The following IFNAR2 variants were observed in gnomAD, a reference collection of about 807,000 sequenced individuals.
The protein encoded by IFNAR2 is interferon alpha/beta receptor 2.
IFNAR2 carries 30 observed loss-of-function variants against 49.4 expected under a neutral mutation model. The ratio of observed to expected loss-of-function variants is 0.61; its 90% confidence interval spans 0.45 to 0.82. IFNAR2 has a LOEUF of 0.82. Among genes scored for constraint, IFNAR2 ranks in the 40% least tolerant of loss-of-function variants. The probability of loss-of-function intolerance (pLI) is 0.00; values close to 1 mark genes in which losing one functional copy is unlikely to be tolerated. For synonymous variants in IFNAR2, 224 were observed against 234.5 expected (o/e 0.96, Z 0.41); for missense variants, 600 against 622.7 (o/e 0.96, Z 0.39).
rs17860153 is a variant in IFNAR2 at position 33,237,710 on chromosome 21, G to A, written c.-83-4130G>A. On this transcript the variant is annotated intron_variant, in intron 1 of 8. Transcript: ENST00000342136. ...ATTATGGGATTAGTTCCAGGCAGTC[G>A]TGCTTGGATATCTCATGGGTGGTGG... Among the ~76,000 whole-genome samples the A allele has an allele frequency of 9.2e-3, 1,407 of 152,268 alleles. 18 individuals are homozygous for A. Among genetic ancestry groups the A allele is most frequent in the African/African-American group, 0.031 (1,267 of 41,528 alleles).
intron 7 of IFNAR2, among the ~76,000 whole-genome samples, chr21:33,255,343 C>G (rs1407705072): frequency 6.6e-6 from 1 of 152,240 alleles, no homozygotes; most frequent in Non-Finnish European, 1.5e-5. Flanking sequence ...CCTGCCCCCA[C>G]TTCAGATGCC....
rs187204167 is a variant in IFNAR2, at chr21:33,248,398, G to A, written c.395-311G>A. Among the ~76,000 whole-genome samples, 26 of 122,852 alleles carry A rather than the reference G, an allele frequency of 2.1e-4. No individual in the cohort carries two copies. The East Asian group carries it at 6.3e-3, about 30-fold the overall frequency. 80.6% of individuals were successfully genotyped at this position (122,852 alleles called of 152,430 possible). A position where few individuals can be genotyped will look rare whatever the true frequency, so the allele number is the denominator to read the frequency against. On this transcript the variant is annotated intron_variant, in intron 5 of 8. Coordinates refer to ENST00000342136, the MANE Select transcript of IFNAR2 (RefSeq NM_001289125.3). ...GTTAGGGGGGAGGGAGGGAGGGGGG[G>A]AGAGAGAGAGAGAGAAAGAGAAAAG... is the stretch of plus-strand genomic sequence containing the variant.
At chr21:33,241,800 T>A in intron 1 of IFNAR2, 40 bp from the exon 2 acceptor site, 2 of 1,455,486 alleles carry the variant, frequency 1.4e-6, no homozygotes, top group Non-Finnish European at 1.8e-6. Context: ...CTTACAGGTC[T>A]CTCATTATCT....
intron 1 of IFNAR2, among the ~76,000 whole-genome samples, chr21:33,240,433 CA>C: frequency 6.6e-6 from 1 of 152,244 alleles, no homozygotes; most frequent in East Asian, 1.9e-4. Context: ...GTTCATACAA[CA>C]AAATAGCCTA....
chr21:33,248,671 CTG>C, intron 5 of IFNAR2, 36 bp from the exon 6 acceptor site: 2 of 1,567,390 alleles, frequency 1.3e-6, no homozygotes, highest in Non-Finnish European at 1.7e-6. Flanking sequence ...CATATGGTCT[CTG>C]TGACATATTC....
intron 1 of IFNAR2, among the ~76,000 whole-genome samples, chr21:33,236,497 C>A (rs1040352525): frequency 6.6e-6 from 1 of 152,202 alleles, no homozygotes; most frequent in Non-Finnish European, 1.5e-5. Flanking sequence ...CCCTGCCAGA[C>A]CCAACCTCCA....
At chr21:33,262,079 T>G (rs1163724159) in intron 8 of IFNAR2, among the ~76,000 whole-genome samples, 1 of 151,814 alleles carries the variant, frequency 6.6e-6, no homozygotes, top group African/African-American at 2.4e-5. Flanking sequence ...ATAAGAATAG[T>G]AAGCCTGGCC....
In IFNAR2 at chr21:33,230,336, T is replaced by C. The variant is rs1985948948; in HGVS notation, c.-84+120T>C. ...CCGGTTCCCTCTCGCTCTCCCCGACTCCTCCTCCTCCTCCTGCCCTCCCTC... is the reference window on the plus strand; with the variant it reads ...CCGGTTCCCTCTCGCTCTCCCCGACCCCTCCTCCTCCTCCTGCCCTCCCTC... On this transcript the variant is annotated intron_variant, in intron 1 of 8. Coordinates refer to ENST00000342136, the MANE Select transcript of IFNAR2 (RefSeq NM_001289125.3). This position sits in a 1 kb window ranked among gnomAD's most constrained non-coding sequence, Gnocchi z 5.5. 2 of 621,070 alleles carry C rather than the reference T, an allele frequency of 3.2e-6. No individual in the cohort carries two copies. The highest frequency in any genetic ancestry group is 5.0e-5 in the Admixed American group (1 of 19,874). 38.5% of individuals were successfully genotyped at this position (621,070 alleles called of 1,614,324 possible).
intron 1 of IFNAR2, among the ~76,000 whole-genome samples, chr21:33,237,078 G>GATGTGTGTGTGTGT (rs3223272): frequency 0.013 from 1,862 of 147,678 alleles, 70 homozygotes; most frequent in African/African-American, 0.044. Context: ...GGGAGAATGG[G>GATGTGTGTGTGTGT]GTGTGTGTGT....
At position 33,245,079 on chromosome 21, in the gene IFNAR2, G is replaced by A. The variant is rs758221505; in HGVS notation, c.221+5G>A. On this transcript the variant is annotated splice_donor_5th_base_variant and intron_variant, in intron 4 of 8. Transcript: ENST00000342136. ...ATTGCTGTATACAATCATGAGGTTGGTTTGATATTTCATTTTCTCTTGGTA... is the reference window on the plus strand; with the variant it reads ...ATTGCTGTATACAATCATGAGGTTGATTTGATATTTCATTTTCTCTTGGTA... The A allele has an allele frequency of 1.0e-5, 16 of 1,602,096 alleles. No individual in the cohort carries two copies. Among genetic ancestry groups the A allele is most frequent in the Non-Finnish European group, 1.3e-5 (15 of 1,169,378 alleles).
chr21:33,252,081 C>CT (rs1555859334), intron 6 of IFNAR2: 5 of 380,960 alleles, frequency 1.3e-5, no homozygotes, highest in African/African-American at 4.5e-5. Context: ...AGACCCCATC[C>CT]ATCTATCTAT....
Position 33,265,233 on chromosome 21 carries a change from T to G in IFNAR2, c.*1733T>G, listed in dbSNP as rs1330071185. On this transcript the variant is annotated 3_prime_UTR_variant, in exon 9 of 9. Coordinates refer to ENST00000342136, the MANE Select transcript of IFNAR2 (RefSeq NM_001289125.3). ...AGAATGAACACTCAGGTGGAAATGC[T>G]GCAATCCTGAGAAGCTCCCAGGATG... 6.6e-6 allele frequency: 1 copy of G among 152,232 alleles called. No homozygotes were observed. Among genetic ancestry groups the G allele is most frequent in the African/African-American group, 2.4e-5 (1 of 41,444 alleles). The allele number at this position is 152,232 out of a possible 1,614,324, so 9.4% of individuals were successfully genotyped here.
rs1169841866 is a variant in IFNAR2, at chr21:33,242,201, T to C, written c.55+224T>C. Among the ~76,000 whole-genome samples the C allele has an allele frequency of 3.3e-5, 5 of 152,184 alleles. No individual in the cohort carries two copies. The East Asian group carries it at 9.6e-4, about 29-fold the overall frequency. On this transcript the variant is annotated intron_variant, in intron 2 of 8. Coordinates refer to ENST00000342136, the MANE Select transcript of IFNAR2 (RefSeq NM_001289125.3). ...TGTTAATTTTAGGAAAACAAATGAG[T>C]GACTTAAGGCAATAATAATCAGGAC...
chr21:33,262,653 G>T lies in IFNAR2; in HGVS notation c.841-140G>T, dbSNP rs777305113. 5 of 1,231,390 alleles carry T rather than the reference G, an allele frequency of 4.1e-6. No homozygotes were observed. In the African/African-American group the frequency reaches 7.4e-5, roughly 18 times the overall value. 76.3% of individuals were successfully genotyped at this position (1,231,390 alleles called of 1,614,324 possible). On this transcript the variant is annotated intron_variant, in intron 8 of 8. Coordinates refer to ENST00000342136, the MANE Select transcript of IFNAR2 (RefSeq NM_001289125.3). ...CTGAAACTCCTGAGCTCAAACAGTC[G>T]TCCTGCCTAAGCTTCCCCAGTAGCT...
intron 1 of IFNAR2, chr21:33,234,790 T>G: frequency 1.0e-6 from 1 of 975,338 alleles, no homozygotes; most frequent in South Asian, 4.7e-5. Context: ...ACATGAGTTG[T>G]TGGCTTCGCA....
At chr21:33,244,110 C>T (rs989803051) in intron 3 of IFNAR2, among the ~76,000 whole-genome samples, 7 of 152,210 alleles carry the variant, frequency 4.6e-5, no homozygotes, top group South Asian at 2.1e-4. Context: ...CTTCTTCCTA[C>T]GTATATAAAT....
Position 33,263,062 on chromosome 21 carries a change from G to A in IFNAR2, c.1110G>A (p.Leu370=). ...IDPESEEEPD[L]PEVDVELPTM... is the part of the protein sequence containing the mutation. The stretch of plus-strand genomic sequence containing the variant: ...CGGAGTCCGAGGAGGAGCCTGACCT[G>A]CCTGAGGTTGATGTGGAGCTCCCCA... Residue 370 remains leucine (L), a synonymous_variant, in exon 9 of 9, where the codon CTG becomes CTA. Transcript: ENST00000342136. The A allele has an allele frequency of 1.2e-6, 2 of 1,614,150 alleles. No individual in the cohort carries two copies. The highest frequency in any genetic ancestry group is 8.5e-7 in the Non-Finnish European group (1 of 1,180,022).
At chr21:33,246,255 A>G (rs1987393831) in intron 4 of IFNAR2, among the ~76,000 whole-genome samples, 1 of 152,074 alleles carries the variant, frequency 6.6e-6, no homozygotes. Context: ...TATTTTTAGT[A>G]GAGACGGGGT....
chr21:33,258,057 C>A (rs1261271310), intron 7 of IFNAR2, among the ~76,000 whole-genome samples: 6 of 152,308 alleles, frequency 3.9e-5, no homozygotes, highest in South Asian at 2.1e-4. Context: ...GTAATTCCAG[C>A]ACTTTGGGGG....
Sources: allele counts gnomAD v4.1 joint callset (sites outside exome capture counted in the v4.1 genomes callset), GRCh38; gene constraint gnomAD v4.1.1; non-coding constraint Gnocchi (gnomAD v3.1); transcripts MANE v1.5; gene names NCBI Gene and HGNC (gene_info 2026-07-23, HGNC 2026-07-21).